The following RPA3 variants were observed in gnomAD, a reference collection of about 807,000 sequenced individuals.
The protein encoded by RPA3 is replication protein A3.
In RPA3, 24 loss-of-function variants were observed where a neutral mutation model predicts 13.7. The ratio of observed to expected loss-of-function variants is 1.75; its 90% CI spans 1.27 to 2.46. The LOEUF (loss-of-function observed/expected upper bound fraction) is 2.46. Ranked by LOEUF, RPA3 falls within the 30% of genes most tolerant of loss-of-function variation. The pLI, the probability that RPA3 is intolerant of heterozygous loss-of-function variation, is 0.00. For missense variants in RPA3, 183 were observed against 151.0 expected (o/e 1.21, Z -1.11); for synonymous variants, 59 against 51.2 (o/e 1.15, Z -0.65).
At chr7:7,688,164 T>C (rs970675580) in intron 2 of RPA3, among the ~76,000 whole-genome samples, 2 of 152,316 alleles carry the variant, frequency 1.3e-5, no homozygotes, top group African/African-American at 2.4e-5. Flanking sequence ...TTCCCTGCAT[T>C]ACATCAGATT....
chr7:7,682,328 G>T (rs1407253607), intron 4 of RPA3, among the ~76,000 whole-genome samples: 1 of 151,752 alleles, frequency 6.6e-6, no homozygotes, highest in East Asian at 1.9e-4. Context: ...CAGTCTCAAT[G>T]ATCAGTCAGA....
chr7:7,644,591 T>G (rs1421915155), intron 4 of RPA3, among the ~76,000 whole-genome samples: 1 of 152,224 alleles, frequency 6.6e-6, no homozygotes, highest in Non-Finnish European at 1.5e-5. Context: ...ATCTCTGTTT[T>G]GTTTTAATTT....
intron 2 of RPA3, among the ~76,000 whole-genome samples, chr7:7,707,793 C>A (rs180672848): frequency 7.2e-4 from 109 of 152,274 alleles, no homozygotes; most frequent in Middle Eastern, 3.4e-3. Context: ...ATGTCATTAA[C>A]TTGAAATATA....
intron 4 of RPA3, among the ~76,000 whole-genome samples, chr7:7,652,528 G>C (rs965680161): frequency 6.6e-6 from 1 of 152,212 alleles, no homozygotes; most frequent in South Asian, 2.1e-4. Flanking sequence ...TTAATGCATG[G>C]TTGATGCTGG....
intron 4 of RPA3, among the ~76,000 whole-genome samples, chr7:7,665,002 GAT>G (rs61708850): frequency 0.059 from 8,865 of 151,220 alleles, 334 homozygotes; most frequent in Middle Eastern, 0.13. Context: ...GTGATATATA[GAT>G]ATATATATAT....
intron 2 of RPA3, among the ~76,000 whole-genome samples, chr7:7,714,177 C>CATGGCCTT (rs1273510590): frequency 1.3e-5 from 2 of 152,216 alleles, no homozygotes; most frequent in African/African-American, 4.8e-5. Flanking sequence ...AGACTTGATT[C>CATGGCCTT]ATGGCCTTTT....
intron 4 of RPA3, among the ~76,000 whole-genome samples, chr7:7,650,487 T>A (rs2115549762): frequency 6.6e-6 from 1 of 152,310 alleles, no homozygotes; most frequent in South Asian, 2.1e-4. Context: ...GATTTTGCTG[T>A]AGGCTTACAT....
At chr7:7,663,551 C>G (rs1785530246) in intron 4 of RPA3, among the ~76,000 whole-genome samples, 1 of 152,054 alleles carries the variant, frequency 6.6e-6, no homozygotes, top group Admixed American at 6.5e-5. Flanking sequence ...AATTAGTAGT[C>G]TAACTGATAC....
At chr7:7,640,206 GA>G (rs1355715291) in intron 5 of RPA3, 113 bp downstream of exon 5, 1 of 1,110,726 alleles carries the variant, frequency 9.0e-7, no homozygotes, top group African/African-American at 1.6e-5. Flanking sequence ...CAAAATAAAG[GA>G]GTCGGGGGCG....
At chr7:7,677,931 C>T (rs979669453) in intron 4 of RPA3, among the ~76,000 whole-genome samples, 2 of 151,830 alleles carry the variant, frequency 1.3e-5, no homozygotes, top group Non-Finnish European at 2.9e-5. Context: ...CCTCGGCCTC[C>T]CAAAGTGCTG....
chr7:7,661,916 T>G (rs973865836), intron 4 of RPA3, among the ~76,000 whole-genome samples: 1 of 152,136 alleles, frequency 6.6e-6, no homozygotes, highest in African/African-American at 2.4e-5. Flanking sequence ...CAGCTGCCCC[T>G]TCCCCCGAGG....
intron 1 of RPA3, among the ~76,000 whole-genome samples, chr7:7,718,196 T>C (rs1489016822): frequency 6.6e-6 from 1 of 152,218 alleles, no homozygotes. Context: ...TTCCAAATAA[T>C]GTGTCAGCTG....
At chr7:7,677,325 A>T (rs1447144958) in intron 4 of RPA3, among the ~76,000 whole-genome samples, 1 of 152,154 alleles carries the variant, frequency 6.6e-6, no homozygotes, top group African/African-American at 2.4e-5. Flanking sequence ...CTATTGTGCT[A>T]CCAAATACTA....
chr7:7,680,943 T>C (rs1260385833), intron 4 of RPA3, among the ~76,000 whole-genome samples: 3 of 152,182 alleles, frequency 2.0e-5, no homozygotes, highest in Non-Finnish European at 4.4e-5. Context: ...GTTTTTTTAG[T>C]TGCATACACA....
At chr7:7,647,566 C>A (rs972126874) in intron 4 of RPA3, among the ~76,000 whole-genome samples, 1 of 152,136 alleles carries the variant, frequency 6.6e-6, no homozygotes, top group Non-Finnish European at 1.5e-5. Context: ...TAGATGGTAG[C>A]ATTGTCAAAT....
intron 4 of RPA3, among the ~76,000 whole-genome samples, chr7:7,684,780 A>G (rs959587674): frequency 2.0e-5 from 3 of 152,232 alleles, no homozygotes; most frequent in African/African-American, 4.8e-5. Flanking sequence ...TCAAACCAAC[A>G]TCTGAGGTAC....
intron 4 of RPA3, among the ~76,000 whole-genome samples, chr7:7,684,985 C>G (rs17169446): frequency 0.017 from 2,644 of 152,274 alleles, 31 homozygotes; most frequent in Non-Finnish European, 0.027. Context: ...ACAGGCTTTA[C>G]TAATGCTGTA....
chr7:7,658,669 T>A (rs1405605498), intron 4 of RPA3, among the ~76,000 whole-genome samples: 1 of 152,188 alleles, frequency 6.6e-6, no homozygotes, highest in Admixed American at 6.5e-5. Flanking sequence ...GCTGATTTGA[T>A]TGTGGTGGAT....
At chr7:7,665,167 C>T (rs923228711) in intron 4 of RPA3, among the ~76,000 whole-genome samples, 8 of 151,988 alleles carry the variant, frequency 5.3e-5, no homozygotes, top group African/African-American at 1.9e-4. Context: ...TTGAGAAAAC[C>T]ATGTTGCCTA....
Sources: allele counts gnomAD v4.1 joint callset (sites outside exome capture counted in the v4.1 genomes callset), GRCh38; gene constraint gnomAD v4.1.1; transcripts MANE v1.5; gene names NCBI Gene and HGNC (gene_info 2026-07-23, HGNC 2026-07-21).